The following CACNB1 variants were observed in gnomAD, a reference collection of about 807,000 sequenced individuals.
CACNB1 encodes voltage-dependent L-type calcium channel subunit beta-1.
A neutral mutation model predicts 71.6 loss-of-function variants in CACNB1; 29 were observed. The ratio of observed to expected loss-of-function variants is 0.40; its 90% CI spans 0.30 to 0.55. CACNB1 has a LOEUF of 0.55. Ranked by LOEUF, CACNB1 falls within the 20% of genes least tolerant of loss-of-function variation. The probability of loss-of-function intolerance (pLI) is 0.38; values close to 1 mark genes in which losing one functional copy is unlikely to be tolerated. For synonymous variants in CACNB1, 300 were observed against 319.6 expected (o/e 0.94, Z 0.65); for missense variants, 623 against 801.8 (o/e 0.78, Z 2.69).
chr17:39,177,692 TAC>T (rs1189521198), intron 12 of CACNB1, among the ~76,000 whole-genome samples, 157 bp from the exon 13 acceptor site: 11 of 152,088 alleles, frequency 7.2e-5, no homozygotes, highest in African/African-American at 2.7e-4. Flanking sequence ...CTCTCAGATC[TAC>T]AGATTGGCAG....
intron 11 of CACNB1, among the ~76,000 whole-genome samples, chr17:39,179,229 C>T (rs2045677266): frequency 7.1e-6 from 1 of 141,336 alleles, no homozygotes; most frequent in Admixed American, 7.9e-5. Context: ...TGCAGTAAGC[C>T]GAGATGGTGC....
In CACNB1 at chr17:39,174,121, G is replaced by A. The variant is rs74575123; in HGVS notation, c.*1072C>T. 6,080 of 152,976 alleles carry A rather than the reference G, an allele frequency of 0.04. 191 individuals are homozygous for A. The highest frequency in any genetic ancestry group is 0.1 in the East Asian group (525 of 5,244). 9.5% of individuals were successfully genotyped at this position (152,976 alleles called of 1,614,324 possible). On this transcript the variant is annotated 3_prime_UTR_variant, in exon 14 of 14. Coordinates refer to ENST00000394303, the MANE Select transcript of CACNB1 (RefSeq NM_000723.5). Reference sequence around the variant, plus strand: ...GAGGGGCAGGGTTGCTGGGCTACAGGGATGCCAAGGCAAAGGGATGCCCCA... The same window carrying A: ...GAGGGGCAGGGTTGCTGGGCTACAGAGATGCCAAGGCAAAGGGATGCCCCA...
chr17:39,177,921 G>A, intron 12 of CACNB1, 63 bp downstream of exon 12: 1 of 1,330,004 alleles, frequency 7.5e-7, no homozygotes, highest in East Asian at 2.3e-5. Context: ...ATGTAGGCCA[G>A]AGGAAACCAG....
intron 3 of CACNB1, among the ~76,000 whole-genome samples, chr17:39,189,133 G>GTA (rs2046012154): frequency 1.3e-5 from 2 of 152,170 alleles, no homozygotes; most frequent in African/African-American, 4.8e-5. Flanking sequence ...GAAAGGCTAA[G>GTA]GTGGGTGGAT....
In CACNB1 at chr17:39,194,866, G is replaced by C; in HGVS notation, c.171+18C>G. ...CCAACCAGCCACCTCCCTCCTCTCC[G>C]CCCAGCCTCCCCATTACCTGGCGGA... On this transcript the variant is annotated intron_variant, in intron 2 of 13. Transcript: ENST00000394303. This position sits in a 1 kb window ranked among gnomAD's most constrained non-coding sequence, Gnocchi z 4.6. 6.3e-7 allele frequency: 1 copy of C among 1,575,028 alleles called. No individual in the cohort carries two copies. The highest frequency in any genetic ancestry group is 8.7e-7 in the Non-Finnish European group (1 of 1,147,458).
At position 39,184,137 on chromosome 17, in the gene CACNB1, G is replaced by T. The variant is rs747575318; in HGVS notation, c.792C>A (p.Ile264=). The change falls in exon 10 of 14, where the codon ATC becomes ATA. Residue 264 remains isoleucine (I), a synonymous_variant. Transcript: ENST00000394303. ...DFLKHRFDGR[I]SITRVTADIS... is the part of the protein sequence containing the mutation. Reference sequence around the variant, plus strand: ...TATCTGCCGTCACACGAGTGATGGAGATCCTGGGGAATGGGGCAAGAGGGG... The same window carrying T: ...TATCTGCCGTCACACGAGTGATGGATATCCTGGGGAATGGGGCAAGAGGGG... 19 of 1,603,746 alleles carry T rather than the reference G, an allele frequency of 1.2e-5. No individual in the cohort carries two copies. Among genetic ancestry groups the T allele is most frequent in the Non-Finnish European group, 8.5e-6 (10 of 1,170,768 alleles).
intron 2 of CACNB1, chr17:39,193,273 C>T (rs1404776466): frequency 3.2e-6 from 1 of 308,694 alleles, no homozygotes; most frequent in Non-Finnish European, 6.5e-6. Context: ...GGCATGCGCA[C>T]ACATACACAC....
chr17:39,187,627 G>T, intron 3 of CACNB1, 26 bp from the exon 4 acceptor site: 5 of 1,613,676 alleles, frequency 3.1e-6, no homozygotes, highest in Non-Finnish European at 4.2e-6. Flanking sequence ...AGGGGAGGAT[G>T]GCAACTAGAG....
rs150891217 is a variant in CACNB1, at chr17:39,179,122, T to C, written c.1051-1043A>G. Among the ~76,000 whole-genome samples the C allele has an allele frequency of 8.5e-3, 1,284 of 150,952 alleles. 10 individuals are homozygous for C. The highest frequency in any genetic ancestry group is 0.028 in the African/African-American group (1,168 of 41,024). On this transcript the variant is annotated intron_variant, in intron 11 of 13. Coordinates refer to ENST00000394303, the MANE Select transcript of CACNB1 (RefSeq NM_000723.5). ...TCCTGGCTAACATGGTGAAACCCCA[T>C]CTCTACTAAAAATACAAAACATTAG...
At position 39,177,216 on chromosome 17, in the gene CACNB1, A is replaced by G. The variant is rs1197186270; in HGVS notation, c.1332+134T>C. 5.2e-6 allele frequency: 8 copies of G among 1,547,250 alleles called. No individual in the cohort carries two copies. The Admixed American group carries it at 1.5e-4, about 29-fold the overall frequency. On this transcript the variant is annotated intron_variant, in intron 13 of 13. Transcript: ENST00000394303. ...CCCTGCACTCCAGTTCCGACCCCAGAGCAGGAGGGAAGACGGGCAGGGCGC... is the reference window on the plus strand; with the variant it reads ...CCCTGCACTCCAGTTCCGACCCCAGGGCAGGAGGGAAGACGGGCAGGGCGC...
rs2144069711 is a variant in CACNB1, at chr17:39,175,101, C to CCTGGAGG, written c.*85_*91dup. ...ATCTGAAAGGAGGGAGACAGCGCCCCCTGGAGGCGAATACATGTCAGGTGT... is the reference window on the plus strand; with the variant it reads ...ATCTGAAAGGAGGGAGACAGCGCCCCCTGGAGGCTGGAGGCGAATACATGTCAGGTGT... On this transcript the variant is annotated 3_prime_UTR_variant, in exon 14 of 14. Transcript: ENST00000394303. This position sits in a 1 kb window ranked among gnomAD's most constrained non-coding sequence, Gnocchi z 4.7. 1 of 1,058,122 alleles carries CCTGGAGG rather than the reference C, an allele frequency of 9.5e-7. No homozygotes were observed. Among genetic ancestry groups the CCTGGAGG allele is most frequent in the East Asian group, 2.4e-5 (1 of 42,126 alleles). The allele number at this position is 1,058,122 out of a possible 1,614,324, so 65.5% of individuals were successfully genotyped here.
intron 6 of CACNB1, chr17:39,185,926 T>C: frequency 1.9e-6 from 3 of 1,604,490 alleles, no homozygotes; most frequent in Non-Finnish European, 2.6e-6. Flanking sequence ...CCCCCACCTC[T>C]TGCAAGAACA....
At position 39,175,098 on chromosome 17, in the gene CACNB1, C is replaced by A. The variant is rs1597675668; in HGVS notation, c.*95G>T. 9.8e-7 allele frequency: 1 copy of A among 1,021,208 alleles called. No individual in the cohort carries two copies. The highest frequency in any genetic ancestry group is 1.5e-6 in the Non-Finnish European group (1 of 684,452). 63.3% of individuals were successfully genotyped at this position (1,021,208 alleles called of 1,614,324 possible). On this transcript the variant is annotated 3_prime_UTR_variant, in exon 14 of 14. Coordinates refer to ENST00000394303, the MANE Select transcript of CACNB1 (RefSeq NM_000723.5). The surrounding 1 kb of genome is among the most constrained non-coding windows in gnomAD (Gnocchi z 4.7). ...GGCATCTGAAAGGAGGGAGACAGCG[C>A]CCCCTGGAGGCGAATACATGTCAGG... is the stretch of plus-strand genomic sequence containing the variant.
chr17:39,175,230 T>C lies in CACNB1; in HGVS notation c.1760A>G (p.Glu587Gly). 6.2e-7 allele frequency: 1 copy of C among 1,613,796 alleles called. No homozygotes were observed. The highest frequency in any genetic ancestry group is 8.5e-7 in the Non-Finnish European group (1 of 1,179,864). Residue 587 changes from glutamate to glycine, a missense_variant, in exon 14 of 14, where the codon GAG (glutamate) becomes GGG (glycine). Glu to Gly is a moderately conservative substitution (Grantham distance 98, BLOSUM62 -2). Coordinates refer to ENST00000394303, the MANE Select transcript of CACNB1 (RefSeq NM_000723.5). The surrounding 1 kb of genome is among the most constrained non-coding windows in gnomAD (Gnocchi z 4.7). ...GGPVLGRNKNELEGWGRGVYI... is the reference protein window; with the variant it reads ...GGPVLGRNKNGLEGWGRGVYI... ...GACGCCTCGTCCCCAGCCCTCCAGC[T>C]CATTCTTGTTGCGCCCCAAAACTGG... is the stretch of plus-strand genomic sequence containing the variant.
intron 11 of CACNB1, among the ~76,000 whole-genome samples, chr17:39,179,280 CAAAAAAAAAAAA>C (rs35292368): frequency 8.2e-5 from 4 of 48,656 alleles, no homozygotes; most frequent in Non-Finnish European, 1.3e-4. Flanking sequence ...GACTCCGTCT[CAAAAAAAAAAAA>C]AAAAAAAAAA....
In CACNB1 at chr17:39,194,237, G is replaced by T. The variant is rs2046155651; in HGVS notation, c.171+647C>A. Among the ~76,000 whole-genome samples the T allele has an allele frequency of 6.6e-6, 1 of 152,194 alleles. No homozygotes were observed. Among genetic ancestry groups the T allele is most frequent in the African/African-American group, 2.4e-5 (1 of 41,438 alleles). On this transcript the variant is annotated intron_variant, in intron 2 of 13. Transcript: ENST00000394303. The surrounding 1 kb of genome is among the most constrained non-coding windows in gnomAD (Gnocchi z 4.6). ...AGCCTAAGATGGCCCAGGGTTGACA[G>T]ATGAGAGCAGCCGCTTACTGACTGA...
intron 11 of CACNB1, among the ~76,000 whole-genome samples, chr17:39,182,422 TG>T (rs1166867296): frequency 6.6e-5 from 10 of 151,638 alleles, no homozygotes; most frequent in Non-Finnish European, 1.3e-4. Context: ...GAGAGTAGGC[TG>T]GGTGCGGTAG....
Position 39,194,879 on chromosome 17 carries a change from A to G in CACNB1, c.171+5T>C, listed in dbSNP as rs752566134. The G allele has an allele frequency of 1.1e-5, 17 of 1,603,504 alleles. No homozygotes were observed. The African/African-American group carries it at 2.3e-4, about 21-fold the overall frequency. ...TCCCTCCTCTCCGCCCAGCCTCCCC[A>G]TTACCTGGCGGACAAAGCTGTTGGA... On this transcript the variant is annotated splice_donor_5th_base_variant and intron_variant, in intron 2 of 13. Coordinates refer to ENST00000394303, the MANE Select transcript of CACNB1 (RefSeq NM_000723.5). The surrounding 1 kb of genome is among the most constrained non-coding windows in gnomAD (Gnocchi z 4.6).
intron 3 of CACNB1, 38 bp from the exon 4 acceptor site, chr17:39,187,639 G>A (rs2045974154): frequency 6.2e-7 from 1 of 1,611,814 alleles, no homozygotes; most frequent in Non-Finnish European, 8.5e-7. Context: ...CAACTAGAGG[G>A]CAAACCACAA....
Sources: allele counts gnomAD v4.1 joint callset (sites outside exome capture counted in the v4.1 genomes callset), GRCh38; gene constraint gnomAD v4.1.1; non-coding constraint Gnocchi (gnomAD v3.1); transcripts MANE v1.5; gene names NCBI Gene and HGNC (gene_info 2026-07-23, HGNC 2026-07-21).